STX8: variants seen among roughly 807,000 people sequenced by gnomAD.
STX8 encodes syntaxin 8.
Under a neutral mutation model 37.5 loss-of-function variants are expected in STX8, and 23 were observed. That is an observed-to-expected ratio of 0.61 (90% CI 0.44 to 0.87). STX8 has a LOEUF of 0.87. STX8 is among the 40% of genes least tolerant of loss of function. The probability of loss-of-function intolerance (pLI) is 0.00; values close to 1 mark genes in which losing one functional copy is unlikely to be tolerated. For synonymous variants in STX8, 115 were observed against 99.1 expected (o/e 1.16, Z -0.95); for missense variants, 313 against 284.7 (o/e 1.10, Z -0.71).
At chr17:9,323,237 T>C (rs994186009) in intron 7 of STX8, among the ~76,000 whole-genome samples, 1 of 152,098 alleles carries the variant, frequency 6.6e-6, no homozygotes, top group Admixed American at 6.6e-5. Flanking sequence ...TTCTAACAGC[T>C]AATGAACTAA....
chr17:9,541,187 A>G (rs1012993866), intron 4 of STX8, among the ~76,000 whole-genome samples: 7 of 152,198 alleles, frequency 4.6e-5, no homozygotes, highest in African/African-American at 1.4e-4. Context: ...AAGACAAGAC[A>G]TTGGCAGCCG....
chr17:9,506,502 G>A (rs1904842587), intron 4 of STX8, among the ~76,000 whole-genome samples: 1 of 146,750 alleles, frequency 6.8e-6, no homozygotes, highest in African/African-American at 2.5e-5. Context: ...CTGAACTGCA[G>A]TGGGGAAGTG....
intron 2 of STX8, among the ~76,000 whole-genome samples, chr17:9,565,167 C>G (rs934975456): frequency 6.6e-6 from 1 of 152,190 alleles, no homozygotes; most frequent in African/African-American, 2.4e-5. Flanking sequence ...AGGATCGTGC[C>G]ACTGCACTCC....
chr17:9,281,017 A>G lies in STX8; in HGVS notation c.644-30372T>C, dbSNP rs192239168. ...GATTGCACAGGGCCCTAGGTGTGAC[A>G]AGGAATCTGGGCAATAGAGAGGCTC... On this transcript the variant is annotated intron_variant, in intron 7 of 7. Transcript: ENST00000306357. Among the ~76,000 whole-genome samples, 5 of 152,274 alleles carry G rather than the reference A, an allele frequency of 3.3e-5. No individual in the cohort carries two copies. The East Asian group carries it at 9.6e-4, about 29-fold the overall frequency.
intron 7 of STX8, 199 bp downstream of exon 7, chr17:9,378,349 CAATG>C (rs766097890): frequency 3.2e-5 from 16 of 501,886 alleles, no homozygotes; most frequent in Admixed American, 1.4e-4. Flanking sequence ...AACAAAAAAA[CAATG>C]AATGATATGC....
chr17:9,441,876 C>A (rs7212629), intron 6 of STX8, among the ~76,000 whole-genome samples: 1 of 151,452 alleles, frequency 6.6e-6, no homozygotes, highest in African/African-American at 2.4e-5. Context: ...GGGGTTTCAC[C>A]GTGTTAGCCA....
chr17:9,357,885 C>A lies in STX8; in HGVS notation c.643+20667G>T, dbSNP rs183231965. ...GATGACAGTTTCTCTAATGTGAAGT[C>A]CCAAATTCAAGAGGATTTCCATTAG... On this transcript the variant is annotated intron_variant, in intron 7 of 7. Transcript: ENST00000306357. 2.0e-4 allele frequency among the ~76,000 whole-genome samples: 30 copies of A among 152,174 alleles called. No individual in the cohort carries two copies. The East Asian group carries it at 4.8e-3, about 24-fold the overall frequency.
intron 7 of STX8, among the ~76,000 whole-genome samples, chr17:9,312,413 C>A (rs1195887029): frequency 7.9e-5 from 12 of 151,354 alleles, no homozygotes; most frequent in Admixed American, 7.9e-4. Context: ...GTTGGTCAGG[C>A]TGGTCTCAAA....
In STX8 at chr17:9,352,622, C is replaced by G. The variant is rs531040654; in HGVS notation, c.643+25930G>C. On this transcript the variant is annotated intron_variant, in intron 7 of 7. Transcript: ENST00000306357. Reference sequence around the variant, plus strand: ...TCACGCCATTCTCCTGCCTCAGCCTCCCGAGTAGCTGGGACTACAGGCGCC... The same window carrying G: ...TCACGCCATTCTCCTGCCTCAGCCTGCCGAGTAGCTGGGACTACAGGCGCC... Among the ~76,000 whole-genome samples the G allele has an allele frequency of 1.3e-3, 193 of 152,020 alleles. 1 individual carries two copies. In the East Asian group the frequency reaches 0.014, roughly 11 times the overall value.
At position 9,396,715 on chromosome 17, in the gene STX8, A is replaced by G. The variant is rs1381433341; in HGVS notation, c.542-18062T>C. ...GGCAACAAGAGTGAAACACCATCTG[A>G]AAAAAAAAAAAAACAACTCTATATG... On this transcript the variant is annotated intron_variant, in intron 6 of 7. Coordinates refer to ENST00000306357, the MANE Select transcript of STX8 (RefSeq NM_004853.3). 5.9e-5 allele frequency among the ~76,000 whole-genome samples: 5 copies of G among 85,032 alleles called. No homozygotes were observed. The East Asian group carries it at 7.8e-4, about 13-fold the overall frequency. The allele number at this position is 85,032 out of a possible 152,430, so 55.8% of individuals were successfully genotyped here.
At chr17:9,362,105 C>T (rs1461620432) in intron 7 of STX8, among the ~76,000 whole-genome samples, 1 of 152,038 alleles carries the variant, frequency 6.6e-6, no homozygotes, top group African/African-American at 2.4e-5. Flanking sequence ...CTGAAGTGGG[C>T]AGATCACTTG....
chr17:9,370,975 T>C (rs1011515834), intron 7 of STX8, among the ~76,000 whole-genome samples: 7 of 149,232 alleles, frequency 4.7e-5, no homozygotes, highest in Admixed American at 2.0e-4. Context: ...TGGGGTGGGG[T>C]TGAGGGAGGA....
At chr17:9,339,859 G>A (rs955895557) in intron 7 of STX8, among the ~76,000 whole-genome samples, 1 of 152,204 alleles carries the variant, frequency 6.6e-6, no homozygotes, top group Non-Finnish European at 1.5e-5. Flanking sequence ...AAGCGCCATG[G>A]ATACTGCTTA....
chr17:9,494,008 G>GT (rs1330752966), intron 5 of STX8, among the ~76,000 whole-genome samples: 206 of 17,736 alleles, frequency 0.012, 2 homozygotes, highest in African/African-American at 0.017. Flanking sequence ...TTTTTGTTTT[G>GT]TTTTTTTGTT....
intron 7 of STX8, among the ~76,000 whole-genome samples, chr17:9,264,907 A>C (rs965346752): frequency 2.6e-5 from 4 of 151,940 alleles, no homozygotes; most frequent in African/African-American, 4.8e-5. Flanking sequence ...TGGGCCCAGG[A>C]GTTTGAGACC....
chr17:9,347,502 A>G (rs907410652), intron 7 of STX8, among the ~76,000 whole-genome samples: 1 of 152,186 alleles, frequency 6.6e-6, no homozygotes, highest in African/African-American at 2.4e-5. Context: ...TATCACTACT[A>G]CTTATTCCAG....
At chr17:9,487,423 A>T (rs899864671) in intron 6 of STX8, among the ~76,000 whole-genome samples, 1 of 152,086 alleles carries the variant, frequency 6.6e-6, no homozygotes, top group African/African-American at 2.4e-5. Flanking sequence ...CATTCTTAAC[A>T]CCTACAGCTA....
intron 7 of STX8, among the ~76,000 whole-genome samples, chr17:9,334,895 G>A (rs1265179285): frequency 1.3e-5 from 2 of 152,184 alleles, no homozygotes; most frequent in African/African-American, 4.8e-5. Context: ...CAGTATGTCA[G>A]TATGTTCAGT....
intron 7 of STX8, among the ~76,000 whole-genome samples, chr17:9,283,688 A>T (rs760851865): frequency 9.9e-5 from 15 of 152,228 alleles, no homozygotes; most frequent in African/African-American, 1.4e-4. Context: ...AATAAGGTTG[A>T]ACTGTATGCA....
Sources: allele counts gnomAD v4.1 joint callset (sites outside exome capture counted in the v4.1 genomes callset), GRCh38; gene constraint gnomAD v4.1.1; transcripts MANE v1.5; gene names NCBI Gene and HGNC (gene_info 2026-07-23, HGNC 2026-07-21).